LRP1B: variants seen among roughly 807,000 people sequenced by gnomAD.
LRP1B encodes the protein low-density lipoprotein receptor-related protein 1B.
LRP1B carries 217 observed loss-of-function variants against 556.6 expected under a neutral mutation model. The ratio of observed to expected loss-of-function variants is 0.39; its 90% CI spans 0.35 to 0.44. The LOEUF (loss-of-function observed/expected upper bound fraction) is 0.44. Among genes scored for constraint, LRP1B ranks in the 20% least tolerant of loss-of-function variants. LRP1B has a pLI of 1.00. For synonymous variants in LRP1B, 2,047 were observed against 1,865.8 expected (o/e 1.10, Z -2.50); for missense variants, 5,053 against 5,620.8 (o/e 0.90, Z 3.23).
intron 25 of LRP1B, among the ~76,000 whole-genome samples, chr2:140,869,277 C>T (rs1693050597): frequency 6.6e-6 from 1 of 152,046 alleles, no homozygotes; most frequent in Admixed American, 6.6e-5. Flanking sequence ...GTACTTTATT[C>T]CTTTTGGTCA....
At chr2:142,122,413 T>C (rs756729885) in intron 1 of LRP1B, among the ~76,000 whole-genome samples, 15 of 152,074 alleles carry the variant, frequency 9.9e-5, no homozygotes, top group Non-Finnish European at 1.8e-4. Context: ...CTGATATATT[T>C]AGTATATCTA....
chr2:140,938,001 G>A (rs866282574), intron 20 of LRP1B, among the ~76,000 whole-genome samples: 13 of 151,172 alleles, frequency 8.6e-5, no homozygotes, highest in African/African-American at 2.4e-4. Context: ...GAATCTCCCC[G>A]AGAAATGTCC....
intron 22 of LRP1B, among the ~76,000 whole-genome samples, chr2:140,905,734 C>T (rs1694232654): frequency 6.6e-6 from 1 of 152,042 alleles, no homozygotes; most frequent in Non-Finnish European, 1.5e-5. Context: ...TCAAAGTTTC[C>T]AGTTTTTAGT....
chr2:141,866,267 T>C (rs1420859857), intron 1 of LRP1B, among the ~76,000 whole-genome samples: 7 of 152,220 alleles, frequency 4.6e-5, no homozygotes. Flanking sequence ...TGAAAAATTG[T>C]GAAGACTCCA....
chr2:140,516,756 T>A, intron 50 of LRP1B, 133 bp downstream of exon 50: 1 of 804,240 alleles, frequency 1.2e-6, no homozygotes, highest in South Asian at 1.8e-5. Flanking sequence ...ACCATTTTTG[T>A]ATTATTTAAT....
At chr2:141,694,956 T>G (rs898762850) in intron 2 of LRP1B, among the ~76,000 whole-genome samples, 1 of 152,074 alleles carries the variant, frequency 6.6e-6, no homozygotes, top group South Asian at 2.1e-4. Context: ...CTATGTCTCT[T>G]TTCAGCAGAT....
At chr2:140,592,965 CACAT>C (rs1015009994) in intron 43 of LRP1B, among the ~76,000 whole-genome samples, 6 of 140,790 alleles carry the variant, frequency 4.3e-5, no homozygotes, top group Non-Finnish European at 6.4e-5. Context: ...CACACACACA[CACAT>C]ACACACAAAG....
chr2:141,946,847 T>C (rs1310805499), intron 1 of LRP1B, among the ~76,000 whole-genome samples: 1 of 152,106 alleles, frequency 6.6e-6, no homozygotes, highest in Admixed American at 6.6e-5. Context: ...ATCAAATCAA[T>C]GATAGGAACG....
intron 20 of LRP1B, among the ~76,000 whole-genome samples, chr2:140,939,097 TAAAG>T (rs1695317555): frequency 6.6e-6 from 1 of 151,884 alleles, no homozygotes; most frequent in African/African-American, 2.4e-5. Flanking sequence ...GGGGGTAAGA[TAAAG>T]AAAGAGAAAA....
intron 2 of LRP1B, among the ~76,000 whole-genome samples, chr2:141,755,603 A>G (rs1228510206): frequency 6.6e-6 from 1 of 152,082 alleles, no homozygotes; most frequent in Non-Finnish European, 1.5e-5. Context: ...ACAAGTCAGC[A>G]ATATGTTTAA....
At chr2:141,139,927 A>G (rs1180976244) in intron 7 of LRP1B, among the ~76,000 whole-genome samples, 4 of 151,980 alleles carry the variant, frequency 2.6e-5, no homozygotes, top group Admixed American at 6.6e-5. Flanking sequence ...TATAATAGAA[A>G]AAAACTTGAA....
chr2:140,916,716 A>C (rs541527928), intron 21 of LRP1B, among the ~76,000 whole-genome samples: 1 of 152,248 alleles, frequency 6.6e-6, no homozygotes, highest in Non-Finnish European at 1.5e-5. Flanking sequence ...AAAAGGACAC[A>C]GTAAAAGTTG....
chr2:141,124,617 G>A (rs1177745560), intron 7 of LRP1B, among the ~76,000 whole-genome samples: 3 of 146,960 alleles, frequency 2.0e-5, no homozygotes, highest in Non-Finnish European at 4.4e-5. Flanking sequence ...GTTTAAACTG[G>A]GATAAAGAAA....
At chr2:140,808,499 G>T (rs1690806188) in intron 32 of LRP1B, among the ~76,000 whole-genome samples, 1 of 151,958 alleles carries the variant, frequency 6.6e-6, no homozygotes, top group South Asian at 2.1e-4. Context: ...CAAACTCTTG[G>T]CTACTCAGCC....
chr2:141,300,209 T>C (rs1291044856), intron 3 of LRP1B, among the ~76,000 whole-genome samples: 2 of 152,220 alleles, frequency 1.3e-5, no homozygotes, highest in Non-Finnish European at 2.9e-5. Flanking sequence ...ATATGAGCTA[T>C]GCAGTCTATG....
chr2:141,824,602 C>T (rs1398389834), intron 1 of LRP1B, among the ~76,000 whole-genome samples: 2 of 152,218 alleles, frequency 1.3e-5, no homozygotes, highest in African/African-American at 2.4e-5. Context: ...ATCCTCCCGC[C>T]TTGGCCTTCC....
intron 3 of LRP1B, among the ~76,000 whole-genome samples, chr2:141,424,648 TA>T (rs1680282768): frequency 1.3e-5 from 2 of 152,234 alleles, no homozygotes; most frequent in African/African-American, 4.8e-5. Flanking sequence ...AATGCTCCCA[TA>T]TTTTTCATTT....
At chr2:141,008,885 G>C (rs1332767395) in intron 14 of LRP1B, among the ~76,000 whole-genome samples, 1 of 151,876 alleles carries the variant, frequency 6.6e-6, no homozygotes, top group East Asian at 1.9e-4. Context: ...TGGGAGTAAA[G>C]ACACAAATAA....
chr2:141,228,497 AGTGT>A (rs1028499977), intron 6 of LRP1B, among the ~76,000 whole-genome samples: 2 of 149,254 alleles, frequency 1.3e-5, no homozygotes, highest in African/African-American at 4.9e-5. Flanking sequence ...TGTGTGTATG[AGTGT>A]GTGTGTGTAC....
Sources: gnomAD v4.1 joint callset for allele counts (sites outside exome capture counted in the v4.1 genomes callset) on GRCh38, gnomAD v4.1.1 for gene constraint, MANE v1.5 for transcripts, NCBI Gene and HGNC (gene_info 2026-07-23, HGNC 2026-07-21) for gene names.